Variants in TDRD5 observed in about 807,000 individuals in gnomAD.
The protein encoded by TDRD5 is tudor domain-containing protein 5.
Under a neutral mutation model 120.6 loss-of-function variants are expected in TDRD5, and 41 were observed. The observed-to-expected ratio is 0.34, with a 90% CI of 0.26 to 0.44. The LOEUF (loss-of-function observed/expected upper bound fraction) is 0.44. Among genes scored for constraint, TDRD5 ranks in the 20% least tolerant of loss-of-function variants. TDRD5 has a pLI of 1.00. For missense variants in TDRD5, 1,006 were observed against 1,221.2 expected (o/e 0.82, Z 2.63); for synonymous variants, 430 against 433.7 (o/e 0.99, Z 0.11).
chr1:179,662,102 A>G lies in TDRD5; in HGVS notation c.2323-2A>G. 6.5e-7 allele frequency: 1 copy of G among 1,540,082 alleles called. No individual in the cohort carries two copies. The highest frequency in any genetic ancestry group is 1.4e-5 in the African/African-American group (1 of 70,852). On this transcript the variant is annotated splice_acceptor_variant, in intron 14 of 17. Coordinates refer to ENST00000444136, the MANE Select transcript of TDRD5 (RefSeq NM_001199085.3). LOFTEE classifies it high-confidence loss of function. ...TTTTCTTTGTCTTCTGTTACATTTT[A>G]GGATGAGATCCCCACTGGAATGCCA...
At chr1:179,627,130 T>C (rs963930517) in intron 6 of TDRD5, among the ~76,000 whole-genome samples, 1 of 152,208 alleles carries the variant, frequency 6.6e-6, no homozygotes, top group East Asian at 1.9e-4. Flanking sequence ...ACTCAAAACA[T>C]GAGCCAAAGA....
chr1:179,680,141 A>G lies in TDRD5; in HGVS notation c.2861-10555A>G, dbSNP rs376793292. Among the ~76,000 whole-genome samples the G allele has an allele frequency of 2.0e-4, 30 of 152,038 alleles. No individual in the cohort carries two copies. The South Asian group carries it at 6.0e-3, about 30-fold the overall frequency. On this transcript the variant is annotated intron_variant, in intron 17 of 17. Transcript: ENST00000444136. ...TTTTCCAGATGTCTTTCTATTGTTTATTTCTAATTTAATTTATTGTGATCA... is the reference window on the plus strand; with the variant it reads ...TTTTCCAGATGTCTTTCTATTGTTTGTTTCTAATTTAATTTATTGTGATCA...
chr1:179,630,043 G>A (rs975627908), intron 6 of TDRD5, among the ~76,000 whole-genome samples: 4 of 150,334 alleles, frequency 2.7e-5, no homozygotes, highest in Non-Finnish European at 4.4e-5. Context: ...GCAGTGGTGC[G>A]ATCTTGGCTC....
intron 6 of TDRD5, among the ~76,000 whole-genome samples, chr1:179,621,863 A>G (rs1676861592): frequency 6.6e-6 from 1 of 152,178 alleles, no homozygotes; most frequent in African/African-American, 2.4e-5. Flanking sequence ...CAGAGAAGTA[A>G]CTTGCCTAAG....
rs770946605 is a variant in TDRD5, at chr1:179,595,836, G to A, written c.831+18G>A. 2 of 1,587,228 alleles carry A rather than the reference G, an allele frequency of 1.3e-6. No homozygotes were observed. The highest frequency in any genetic ancestry group is 2.3e-5 in the East Asian group (1 of 44,106). ...TAAACCAGGTGAGAGATAAGAATTT[G>A]GAGATATAAATATACGATGTTTTTA... is the stretch of plus-strand genomic sequence containing the variant. On this transcript the variant is annotated intron_variant, in intron 4 of 17. Coordinates refer to ENST00000444136, the MANE Select transcript of TDRD5 (RefSeq NM_001199085.3).
At chr1:179,627,964 T>C (rs568910928) in intron 6 of TDRD5, among the ~76,000 whole-genome samples, 1 of 152,216 alleles carries the variant, frequency 6.6e-6, no homozygotes, top group East Asian at 1.9e-4. Flanking sequence ...CTCAAAGTAA[T>C]GGATCTAGGA....
In TDRD5 at chr1:179,659,584, TGTGTGTGC is replaced by T. The variant is rs143604469; in HGVS notation, c.2323-2518_2323-2511del. On this transcript the variant is annotated intron_variant, in intron 14 of 17. Transcript: ENST00000444136. ...GTGTGTGTGTGTGTGTGTGTGTGTG[TGTGTGTGC>T]GCGCGCTTGCCTGGTATATTTTTTT... Among the ~76,000 whole-genome samples the T allele has an allele frequency of 6.5e-3, 941 of 144,142 alleles. 12 individuals carry two copies. The highest frequency in any genetic ancestry group is 0.016 in the African/African-American group (651 of 39,798). 94.6% of individuals were successfully genotyped at this position (144,142 alleles called of 152,430 possible). A position where few individuals can be genotyped will look rare whatever the true frequency, so the allele number is the denominator to read the frequency against.
intron 17 of TDRD5, among the ~76,000 whole-genome samples, chr1:179,674,424 G>A (rs1336288201): frequency 1.3e-5 from 2 of 152,218 alleles, no homozygotes; most frequent in African/African-American, 4.8e-5. Flanking sequence ...TTTTCAGTAT[G>A]TTACTGGATT....
Position 179,652,158 on chromosome 1 carries a change from G to C in TDRD5, c.2121G>C (p.Lys707Asn). 1.2e-6 allele frequency: 2 copies of C among 1,613,660 alleles called. No homozygotes were observed. Among genetic ancestry groups the C allele is most frequent in the Non-Finnish European group, 1.7e-6 (2 of 1,179,896 alleles). Residue 707 changes from lysine (K) to asparagine (N), a missense_variant, in exon 13 of 18, where the codon AAG becomes AAC. Around this residue, in one of 3 missense-constraint regions of TDRD5, gnomAD observed 403 missense variants for 448.1 expected, o/e 0.90. Coordinates refer to ENST00000444136, the MANE Select transcript of TDRD5 (RefSeq NM_001199085.3). ...SQQHYFNEDR[K>N]ISPQSKESEL... ...AGCACTATTTTAATGAAGACCGAAA[G>C]ATAAGTCCACAGTCAAAAGAGAGTG...
intron 6 of TDRD5, among the ~76,000 whole-genome samples, chr1:179,625,596 T>C (rs953670348): frequency 6.6e-6 from 1 of 152,148 alleles, no homozygotes; most frequent in East Asian, 1.9e-4. Context: ...CTGTGGAAAA[T>C]GTTCTTACAA....
intron 17 of TDRD5, among the ~76,000 whole-genome samples, chr1:179,689,552 C>A (rs1311653440): frequency 1.3e-5 from 2 of 152,226 alleles, no homozygotes; most frequent in Non-Finnish European, 2.9e-5. Context: ...AAACTCCACA[C>A]TGGGAGAACC....
At chr1:179,658,258 G>C (rs760087120) in intron 14 of TDRD5, among the ~76,000 whole-genome samples, 22 of 152,110 alleles carry the variant, frequency 1.4e-4, no homozygotes, top group South Asian at 8.3e-4. Flanking sequence ...GGTTGATACT[G>C]TCCTAATAAA....
chr1:179,652,827 C>G (rs1361691811), intron 13 of TDRD5, among the ~76,000 whole-genome samples: 1 of 152,116 alleles, frequency 6.6e-6, no homozygotes, highest in East Asian at 1.9e-4. Flanking sequence ...CCACACCTAA[C>G]CTCATATGAC....
chr1:179,620,192 C>A (rs1676770177), intron 5 of TDRD5, among the ~76,000 whole-genome samples: 1 of 152,136 alleles, frequency 6.6e-6, no homozygotes, highest in African/African-American at 2.4e-5. Flanking sequence ...CTAAATGTAG[C>A]AATGGCTGTC....
chr1:179,607,046 A>G (rs1374805388), intron 4 of TDRD5, among the ~76,000 whole-genome samples: 4 of 152,132 alleles, frequency 2.6e-5, no homozygotes, highest in African/African-American at 7.2e-5. Flanking sequence ...CATCTGGACA[A>G]TATTGAGTTT....
intron 16 of TDRD5, among the ~76,000 whole-genome samples, chr1:179,665,664 C>A (rs1356210008): frequency 3.9e-5 from 6 of 152,162 alleles, no homozygotes; most frequent in Non-Finnish European, 7.4e-5. Context: ...GTCAGGAAAT[C>A]TGAGTCCTCA....
rs1172181020 is a variant in TDRD5, at chr1:179,684,958, G to A, written c.2861-5738G>A. On this transcript the variant is annotated intron_variant, in intron 17 of 17. Transcript: ENST00000444136. Reference sequence around the variant, plus strand: ...TCTGGATATTAGCCCTTTGTCAGATGGGTAGATTGCAAAAATTTTCTCCCA... The same window carrying A: ...TCTGGATATTAGCCCTTTGTCAGATAGGTAGATTGCAAAAATTTTCTCCCA... 3.9e-5 allele frequency among the ~76,000 whole-genome samples: 6 copies of A among 152,070 alleles called. No homozygotes were observed. In the South Asian group the frequency reaches 1.2e-3, roughly 32 times the overall value.
intron 4 of TDRD5, among the ~76,000 whole-genome samples, chr1:179,612,476 G>T (rs1676333565): frequency 6.6e-6 from 1 of 152,198 alleles, no homozygotes; most frequent in Admixed American, 6.5e-5. Flanking sequence ...TGAAGCCTCA[G>T]ATGCTGTGTC....
chr1:179,616,283 T>C (rs1258223587), intron 4 of TDRD5, among the ~76,000 whole-genome samples: 2 of 152,146 alleles, frequency 1.3e-5, no homozygotes, highest in African/African-American at 4.8e-5. Context: ...GTTTCCTACA[T>C]AGAACTTGAG....
Sources: allele counts gnomAD v4.1 joint callset (sites outside exome capture counted in the v4.1 genomes callset), GRCh38; gene constraint gnomAD v4.1.1; regional missense constraint gnomAD v4.1.1; transcripts MANE v1.5; gene names NCBI Gene and HGNC (gene_info 2026-07-23, HGNC 2026-07-21).